Variants in CLK4 observed in about 807,000 individuals in gnomAD.
CLK4 encodes the protein CDC like kinase 4.
A neutral mutation model predicts 64.4 loss-of-function variants in CLK4; 37 were observed. The ratio of observed to expected loss-of-function variants is 0.57; its 90% CI spans 0.44 to 0.76. The LOEUF is 0.76. Among genes scored for constraint, CLK4 ranks in the 30% least tolerant of loss-of-function variants. CLK4 has a pLI of 0.00. For synonymous variants in CLK4, 175 were observed against 191.6 expected (o/e 0.91, Z 0.72); for missense variants, 457 against 605.1 (o/e 0.76, Z 2.57).
intron 2 of CLK4, among the ~76,000 whole-genome samples, chr5:178,620,942 G>C (rs1764699445): frequency 6.6e-6 from 1 of 152,182 alleles, no homozygotes. Flanking sequence ...AATTCCGGGG[G>C]AGAAGAATGG....
intron 10 of CLK4, 61 bp downstream of exon 10, chr5:178,608,315 G>C: frequency 8.2e-7 from 1 of 1,215,764 alleles, no homozygotes. Flanking sequence ...CAAAACTTTA[G>C]CATACCTTTA....
chr5:178,623,238 G>A lies in CLK4; in HGVS notation c.161+18C>T. The A allele has an allele frequency of 6.2e-7, 1 of 1,607,868 alleles. No individual in the cohort carries two copies. The highest frequency in any genetic ancestry group is 1.1e-5 in the South Asian group (1 of 90,582). ...AACTATTAGAGCTAAAATGCTAGTA[G>A]TTCAAGAGTTAATTTACCAATCAGA... On this transcript the variant is annotated intron_variant, in intron 2 of 12. Coordinates refer to ENST00000316308, the MANE Select transcript of CLK4 (RefSeq NM_020666.3).
At chr5:178,613,273 T>G (rs1764582180) in intron 7 of CLK4, among the ~76,000 whole-genome samples, 200 bp downstream of exon 7, 1 of 151,958 alleles carries the variant, frequency 6.6e-6, no homozygotes. Context: ...TACAAAAAAT[T>G]AGCTGGGCAT....
chr5:178,617,425 G>C lies in CLK4; in HGVS notation c.394C>G (p.Arg132Gly), dbSNP rs550915744. The change falls in exon 4 of 13, where the codon CGA becomes GGA. Residue 132 changes from arginine (R) to glycine (G), a missense_variant. Coordinates refer to ENST00000316308, the MANE Select transcript of CLK4 (RefSeq NM_020666.3). This position sits in a 1 kb window ranked among gnomAD's most constrained non-coding sequence, Gnocchi z 5.2. The stretch of plus-strand genomic sequence containing the variant: ...TCTATACTCCTGGATCTTTTCCTTC[G>C]GTGGCTCTTCTGGAACGGCAAGTGG... ...SSHQSRSKSH[R>G]RKRSRSIEDD... 3.1e-6 allele frequency: 5 copies of C among 1,613,322 alleles called. No homozygotes were observed. The highest frequency in any genetic ancestry group is 2.7e-5 in the African/African-American group (2 of 74,964).
chr5:178,605,179 A>T, intron 11 of CLK4, 124 bp downstream of exon 11: 1 of 221,354 alleles, frequency 4.5e-6, no homozygotes, highest in Non-Finnish European at 8.3e-6. Context: ...TCCAGTACAG[A>T]AAAAAAAAAA....
intron 2 of CLK4, among the ~76,000 whole-genome samples, chr5:178,619,528 A>G (rs1197725843): frequency 6.6e-6 from 1 of 152,180 alleles, no homozygotes; most frequent in African/African-American, 2.4e-5. Context: ...GTAGTTTAGC[A>G]TTACAATAGT....
chr5:178,625,422 CAAAAAAAAAAAA>C (rs58734641), intron 1 of CLK4, among the ~76,000 whole-genome samples: 2 of 121,548 alleles, frequency 1.6e-5, no homozygotes, highest in Non-Finnish European at 3.4e-5. Context: ...GACCCTGTCT[CAAAAAAAAAAAA>C]AAAAAAAAAA....
intron 1 of CLK4, among the ~76,000 whole-genome samples, chr5:178,624,556 C>G (rs1165795495): frequency 6.6e-6 from 1 of 152,182 alleles, no homozygotes; most frequent in Non-Finnish European, 1.5e-5. Context: ...GGCTCAGCAT[C>G]TGCGCTCAAA....
In CLK4 at chr5:178,608,977, A is replaced by G. The variant is rs1764505817; in HGVS notation, c.1052-519T>C. ...TTTGCACAAATTGTATAAAAGGTAT[A>G]ATGGGAATTTTAAGCAGTTTCACCT... On this transcript the variant is annotated intron_variant, in intron 9 of 12. Transcript: ENST00000316308. Among the ~76,000 whole-genome samples, 3 of 152,222 alleles carry G rather than the reference A, an allele frequency of 2.0e-5. No individual in the cohort carries two copies. The South Asian group carries it at 6.2e-4, about 31-fold the overall frequency.
intron 10 of CLK4, among the ~76,000 whole-genome samples, chr5:178,606,900 C>A (rs1268051059): frequency 6.6e-6 from 1 of 150,832 alleles, no homozygotes; most frequent in Non-Finnish European, 1.5e-5. Flanking sequence ...GCAGAGGTTG[C>A]AGTGAGCTGA....
intron 5 of CLK4, among the ~76,000 whole-genome samples, chr5:178,616,084 C>CT (rs998737320): frequency 2.6e-5 from 4 of 151,684 alleles, no homozygotes; most frequent in South Asian, 4.2e-4. Context: ...TGTCATCATT[C>CT]TTTTTTTTTA....
chr5:178,612,640 AAAGT>A, intron 8 of CLK4, 95 bp from the exon 9 acceptor site: 1 of 1,352,608 alleles, frequency 7.4e-7, no homozygotes, highest in Non-Finnish European at 1.0e-6. Flanking sequence ...CTTGATTGTC[AAAGT>A]AAGCTCATGA....
chr5:178,615,458 C>A (rs914912270), intron 5 of CLK4, among the ~76,000 whole-genome samples: 14 of 152,076 alleles, frequency 9.2e-5, no homozygotes, highest in African/African-American at 3.1e-4. Context: ...TTTCAAAATA[C>A]TTTAAAGTTC....
rs192159705 is a variant in CLK4 at position 178,624,230 on chromosome 5, C to A, written c.1-814G>T. ...GGGTACGGTGGCTCATGCCTGTAAT[C>A]CCAGAATTTTGGGAGGCCAAGCCCA... On this transcript the variant is annotated intron_variant, in intron 1 of 12. Transcript: ENST00000316308. 2.2e-4 allele frequency among the ~76,000 whole-genome samples: 33 copies of A among 152,292 alleles called. No homozygotes were observed. The East Asian group carries it at 6.2e-3, about 29-fold the overall frequency.
In CLK4 at chr5:178,613,121, A is replaced by G. The variant is rs1038506543; in HGVS notation, c.827-231T>C. On this transcript the variant is annotated intron_variant, in intron 7 of 12. Transcript: ENST00000316308. ...TTAAGGAGGTACAAACATAAAAAAT[A>G]TTTAAAAATAAAGATTTATTGCTGT... Among the ~76,000 whole-genome samples the G allele has an allele frequency of 2.0e-5, 3 of 152,336 alleles. No individual in the cohort carries two copies. The South Asian group carries it at 6.2e-4, about 32-fold the overall frequency.
chr5:178,622,304 G>A (rs1156484638), intron 2 of CLK4: 4 of 353,054 alleles, frequency 1.1e-5, no homozygotes, highest in African/African-American at 4.4e-5. Context: ...ATAACAATGC[G>A]TATGAAGCAT....
At chr5:178,605,098 C>G in intron 11 of CLK4, 1 of 272,380 alleles carries the variant, frequency 3.7e-6, no homozygotes, top group Non-Finnish European at 6.5e-6. Context: ...CCACTGCACT[C>G]CAGCCTGGGT....
At chr5:178,615,252 C>A (rs1178357614) in intron 5 of CLK4, among the ~76,000 whole-genome samples, 3 of 152,106 alleles carry the variant, frequency 2.0e-5, no homozygotes, top group South Asian at 4.1e-4. Flanking sequence ...TCAAGAAATT[C>A]TAAAAGGACA....
Position 178,617,462 on chromosome 5 carries a change from A to G in CLK4, c.385-28T>C. ...GGAACGGCAAGTGGGCAGCACCAAGATCGTCCAGCCAATCAATATATCAGA... is the reference window on the plus strand; with the variant it reads ...GGAACGGCAAGTGGGCAGCACCAAGGTCGTCCAGCCAATCAATATATCAGA... On this transcript the variant is annotated intron_variant, in intron 3 of 12. Transcript: ENST00000316308. The surrounding 1 kb of genome is among the most constrained non-coding windows in gnomAD (Gnocchi z 5.2). 6.4e-7 allele frequency: 1 copy of G among 1,565,752 alleles called. No individual in the cohort carries two copies. Among genetic ancestry groups the G allele is most frequent in the Non-Finnish European group, 8.8e-7 (1 of 1,136,744 alleles).
Sources: gnomAD v4.1 joint callset for allele counts (sites outside exome capture counted in the v4.1 genomes callset) on GRCh38, gnomAD v4.1.1 for gene constraint, Gnocchi (gnomAD v3.1) non-coding constraint, MANE v1.5 for transcripts, NCBI Gene and HGNC (gene_info 2026-07-23, HGNC 2026-07-21) for gene names.